The following GPC5 variants were observed in gnomAD, a reference collection of about 807,000 sequenced individuals.
GPC5 encodes glypican-5.
GPC5 carries 47 observed loss-of-function variants against 53.9 expected under a neutral mutation model. The observed-to-expected ratio is 0.87, with a 90% CI of 0.69 to 1.11. The LOEUF (loss-of-function observed/expected upper bound fraction) is 1.11. Ranked by LOEUF, GPC5 falls within the 50% of genes most tolerant of loss-of-function variation. The pLI, the probability that GPC5 is intolerant of heterozygous loss-of-function variation, is 0.00. For synonymous variants in GPC5, 286 were observed against 263.3 expected (o/e 1.09, Z -0.84); for missense variants, 748 against 713.1 (o/e 1.05, Z -0.56).
At chr13:91,749,034 A>G (rs78053954) in intron 4 of GPC5, among the ~76,000 whole-genome samples, 2 of 151,960 alleles carry the variant, frequency 1.3e-5, no homozygotes, top group Non-Finnish European at 1.5e-5. Flanking sequence ...ATTGTTTCTT[A>G]TTTTTTTAAT....
chr13:91,482,192 G>A (rs1012344604), intron 2 of GPC5, among the ~76,000 whole-genome samples: 1 of 152,134 alleles, frequency 6.6e-6, no homozygotes, highest in African/African-American at 2.4e-5. Flanking sequence ...CATGAGGATG[G>A]TATACTGCTA....
chr13:92,556,304 C>G (rs955157462), intron 7 of GPC5, among the ~76,000 whole-genome samples: 12 of 151,688 alleles, frequency 7.9e-5, no homozygotes, highest in Non-Finnish European at 1.8e-4. Context: ...ATTTTAATTG[C>G]AGGAGACTAA....
chr13:92,521,436 C>G (rs1881042479), intron 7 of GPC5, among the ~76,000 whole-genome samples: 1 of 152,090 alleles, frequency 6.6e-6, no homozygotes, highest in African/African-American at 2.4e-5. Flanking sequence ...GAGACATAGA[C>G]CAATGGAACA....
At chr13:92,127,066 A>G (rs536811884) in intron 6 of GPC5, among the ~76,000 whole-genome samples, 26 of 152,114 alleles carry the variant, frequency 1.7e-4, no homozygotes, top group Admixed American at 5.9e-4. Flanking sequence ...AACTACTCAG[A>G]AGGAAAAGTA....
intron 7 of GPC5, among the ~76,000 whole-genome samples, chr13:92,210,637 T>G (rs2042368338): frequency 6.6e-6 from 1 of 152,200 alleles, no homozygotes; most frequent in Non-Finnish European, 1.5e-5. Flanking sequence ...GATAAAAATA[T>G]TCATAACAGT....
At chr13:92,094,174 A>G (rs1041183562) in intron 6 of GPC5, among the ~76,000 whole-genome samples, 4 of 152,152 alleles carry the variant, frequency 2.6e-5, no homozygotes, top group African/African-American at 9.7e-5. Context: ...GATTTTTAGG[A>G]CATTATATAT....
At chr13:92,642,809 C>T (rs918558460) in intron 7 of GPC5, among the ~76,000 whole-genome samples, 17 of 152,128 alleles carry the variant, frequency 1.1e-4, no homozygotes, top group South Asian at 4.2e-4. Flanking sequence ...GAAGAATAAA[C>T]GAAAAGAGAA....
chr13:91,438,394 C>T (rs927301731), intron 1 of GPC5, among the ~76,000 whole-genome samples: 9 of 152,228 alleles, frequency 5.9e-5, no homozygotes, highest in African/African-American at 2.2e-4. Flanking sequence ...GGACCCTCAG[C>T]TGCAGGTCTG....
intron 2 of GPC5, among the ~76,000 whole-genome samples, chr13:91,470,989 C>T (rs770355604): frequency 1.3e-5 from 2 of 152,100 alleles, no homozygotes; most frequent in Non-Finnish European, 2.9e-5. Context: ...TTGATCACTT[C>T]CATGAAGTGC....
intron 6 of GPC5, among the ~76,000 whole-genome samples, chr13:91,948,809 G>A (rs994200439): frequency 6.6e-6 from 1 of 152,196 alleles, no homozygotes; most frequent in African/African-American, 2.4e-5. Flanking sequence ...CTGTAATGCT[G>A]CAGAGTCAAA....
In GPC5 at chr13:91,633,341, G is replaced by A. The variant is rs899016151; in HGVS notation, c.326-59846G>A. On this transcript the variant is annotated intron_variant, in intron 2 of 7. Transcript: ENST00000377067. ...TTCCTTATTCCTCAGATGTCACTGGGTGTTGTTATGGTCTTTGGTAGTGGG... is the reference window on the plus strand; with the variant it reads ...TTCCTTATTCCTCAGATGTCACTGGATGTTGTTATGGTCTTTGGTAGTGGG... Among the ~76,000 whole-genome samples the A allele has an allele frequency of 4.6e-5, 7 of 152,062 alleles. No individual in the cohort carries two copies. In the East Asian group the frequency reaches 1.4e-3, roughly 29 times the overall value.
At chr13:92,112,681 T>C (rs1190439094) in intron 6 of GPC5, among the ~76,000 whole-genome samples, 1 of 152,214 alleles carries the variant, frequency 6.6e-6, no homozygotes, top group East Asian at 1.9e-4. Context: ...GCAGGTGATA[T>C]GTAGATGTTG....
intron 6 of GPC5, among the ~76,000 whole-genome samples, chr13:92,057,941 A>G (rs1294222773): frequency 6.6e-6 from 1 of 152,044 alleles, no homozygotes; most frequent in East Asian, 1.9e-4. Flanking sequence ...CCTTTCCTAC[A>G]CCTCTGAAGT....
At chr13:91,991,566 TTC>T (rs528628695) in intron 6 of GPC5, among the ~76,000 whole-genome samples, 2 of 151,894 alleles carry the variant, frequency 1.3e-5, no homozygotes, top group Non-Finnish European at 2.9e-5. Context: ...AATTTTTTTT[TTC>T]TCTCTCTCTC....
At chr13:92,176,000 C>G (rs948136531) in intron 7 of GPC5, among the ~76,000 whole-genome samples, 1 of 152,176 alleles carries the variant, frequency 6.6e-6, no homozygotes, top group African/African-American at 2.4e-5. Flanking sequence ...CTATATCTAG[C>G]CAGAAACATG....
chr13:92,704,569 A>ATGAT (rs1887877804), intron 7 of GPC5, among the ~76,000 whole-genome samples: 2 of 152,018 alleles, frequency 1.3e-5, no homozygotes, highest in African/African-American at 4.8e-5. Flanking sequence ...TTCTTTATAT[A>ATGAT]TGATTTCTTT....
intron 7 of GPC5, among the ~76,000 whole-genome samples, chr13:92,417,134 A>G (rs897509561): frequency 6.6e-6 from 1 of 152,224 alleles, no homozygotes; most frequent in Non-Finnish European, 1.5e-5. Flanking sequence ...AAAATAAAAA[A>G]AATCATAAGT....
At chr13:92,596,843 C>A (rs1343525615) in intron 7 of GPC5, among the ~76,000 whole-genome samples, 4 of 152,200 alleles carry the variant, frequency 2.6e-5, no homozygotes, top group South Asian at 2.1e-4. Flanking sequence ...CTTATGAATT[C>A]TTTGTATACA....
intron 2 of GPC5, among the ~76,000 whole-genome samples, chr13:91,457,382 A>C (rs1267678567): frequency 6.6e-6 from 1 of 152,252 alleles, no homozygotes; most frequent in East Asian, 1.9e-4. Context: ...AAAATATCTA[A>C]GACGTTATTT....
Sources: allele counts gnomAD v4.1 joint callset (sites outside exome capture counted in the v4.1 genomes callset), GRCh38; gene constraint gnomAD v4.1.1; transcripts MANE v1.5; gene names NCBI Gene and HGNC (gene_info 2026-07-23, HGNC 2026-07-21).